The following NDRG2 variants were observed in gnomAD, a reference collection of about 807,000 sequenced individuals.
NDRG2 encodes the protein protein NDRG2.
NDRG2 carries 34 observed loss-of-function variants against 58.2 expected under a neutral mutation model. The observed-to-expected ratio is 0.58, with a 90% CI of 0.44 to 0.78. The LOEUF (loss-of-function observed/expected upper bound fraction) is 0.78, where lower values mean the gene tolerates loss of function less well. Among genes scored for constraint, NDRG2 ranks in the 30% least tolerant of loss-of-function variants. The pLI is 0.00. For missense variants in NDRG2, 434 were observed against 471.2 expected (o/e 0.92, Z 0.73); for synonymous variants, 187 against 175.9 (o/e 1.06, Z -0.50).
chr14:21,027,040 C>T (rs1172287921), upstream of NDRG2, among the ~76,000 whole-genome samples: 1 of 152,098 alleles, frequency 6.6e-6, no homozygotes, highest in Non-Finnish European at 1.5e-5. Context: ...CATCTAAATT[C>T]GTCTCTGGGT....
rs753348243 is a variant in NDRG2, at chr14:21,017,546, G to C, written c.*50C>G. The C allele has an allele frequency of 5.7e-6, 9 of 1,579,242 alleles. No individual in the cohort carries two copies. The East Asian group carries it at 1.8e-4, about 32-fold the overall frequency. On this transcript the variant is annotated 3_prime_UTR_variant, in exon 16 of 16. Coordinates refer to ENST00000556147, the MANE Select transcript of NDRG2 (RefSeq NM_001320329.2). ...TGCCCCTTCAGCACCTCCCAGGTTA[G>C]CTCTGGGGGAGGTGAGGGCTGGGTC...
upstream of NDRG2, among the ~76,000 whole-genome samples, chr14:21,026,398 G>A (rs1883632446): frequency 6.7e-6 from 1 of 149,408 alleles, no homozygotes; most frequent in Non-Finnish European, 1.5e-5. Flanking sequence ...CGCCAGGCCA[G>A]TCAGGAACAA....
chr14:21,025,641 G>A, upstream of NDRG2: 3 of 985,428 alleles, frequency 3.0e-6, no homozygotes, highest in South Asian at 4.7e-5. This position sits in a 1 kb window ranked among gnomAD's most constrained non-coding sequence, Gnocchi z 5.1. Flanking sequence ...CGAGGGCGCA[G>A]GAGTTCCGAC....
At chr14:21,025,506 C>T (rs899433324), upstream of NDRG2, 17 of 985,474 alleles carry the variant, frequency 1.7e-5, no homozygotes, top group East Asian at 2.3e-4. The surrounding 1 kb of genome is among the most constrained non-coding windows in gnomAD (Gnocchi z 5.1). Flanking sequence ...CGACTCCCCC[C>T]GCCCGAACAC....
At chr14:21,038,390 A>G (rs1884749810) in intron 1 of NDRG2, among the ~76,000 whole-genome samples, 1 of 152,218 alleles carries the variant, frequency 6.6e-6, no homozygotes, top group African/African-American at 2.4e-5. Flanking sequence ...ACACATGAAG[A>G]AATAACCAGT....
chr14:21,065,757 A>G (rs1281462305), intron 1 of NDRG2, among the ~76,000 whole-genome samples: 1 of 152,222 alleles, frequency 6.6e-6, no homozygotes. Context: ...AAGAGCAAAA[A>G]GGTGCCAAAT....
At chr14:21,026,522 A>C (rs1594466259), upstream of NDRG2, among the ~76,000 whole-genome samples, 1 of 50,354 alleles carries the variant, frequency 2.0e-5, no homozygotes, top group Non-Finnish European at 3.8e-5. Flanking sequence ...CACCACCCTC[A>C]CCACCCGCAA....
At chr14:21,031,951 C>A (rs773504936) in intron 1 of NDRG2, 1 of 1,614,120 alleles carries the variant, frequency 6.2e-7, no homozygotes, top group Non-Finnish European at 8.5e-7. Flanking sequence ...ACACCGGCAC[C>A]CACAAGGAGC....
In NDRG2 at chr14:21,066,168, G is replaced by A. The variant is rs555065675; in HGVS notation, c.24+4660C>T. Among the ~76,000 whole-genome samples the A allele has an allele frequency of 8.1e-4, 123 of 152,184 alleles. 1 individual carries two copies. The highest frequency in any genetic ancestry group is 1.4e-3 in the Non-Finnish European group (96 of 68,038). ...GTCCACTGTGGCTGCAGGGTCACTA[G>A]TGGCTTAGCATAATGTCACCACAGG... On this transcript the variant is annotated intron_variant, in intron 1 of 14. Transcript: ENST00000403829.
Position 21,024,242 on chromosome 14 carries a change from G to A in NDRG2, c.-219C>T, listed in dbSNP as rs1453823959. 7 of 985,376 alleles carry A rather than the reference G, an allele frequency of 7.1e-6. No individual in the cohort carries two copies. Among genetic ancestry groups the A allele is most frequent in the Non-Finnish European group, 1.2e-6 (1 of 830,032 alleles). The allele number at this position is 985,376 out of a possible 1,614,324, so 61.0% of individuals were successfully genotyped here. ...CTCCCCAGTGTCTGTCTACCCCTAA[G>A]TCCAGAGAACACGTCCTCTCTAGGC... On this transcript the variant is annotated 5_prime_UTR_variant, in exon 1 of 16. Coordinates refer to ENST00000556147, the MANE Select transcript of NDRG2 (RefSeq NM_001320329.2).
intron 1 of NDRG2, among the ~76,000 whole-genome samples, chr14:21,059,169 T>C (rs545848365): frequency 2.7e-4 from 41 of 152,312 alleles, no homozygotes; most frequent in African/African-American, 9.6e-4. Context: ...AGAGTTCATG[T>C]TTCATCGACG....
At chr14:21,024,001 C>T (rs763559835) in intron 1 of NDRG2, 29 bp downstream of exon 1, 1 of 985,752 alleles carries the variant, frequency 1.0e-6, no homozygotes, top group Middle Eastern at 5.2e-4. Context: ...CAGGAAGGAG[C>T]CTGCAGCCTG....
intron 1 of NDRG2, chr14:21,031,330 G>A (rs1884112982): frequency 2.3e-6 from 2 of 884,974 alleles, no homozygotes; most frequent in Non-Finnish European, 3.3e-6. Flanking sequence ...CCCAGAGAAG[G>A]GAAGTGACTT....
intron 1 of NDRG2, among the ~76,000 whole-genome samples, chr14:21,056,671 C>G (rs1455215717): frequency 6.6e-6 from 1 of 152,212 alleles, no homozygotes; most frequent in Non-Finnish European, 1.5e-5. Flanking sequence ...TCACTCTGCT[C>G]TGCTCCTATG....
At position 21,070,715 on chromosome 14, in the gene NDRG2, C is replaced by G. The variant is rs1306669734; in HGVS notation, c.24+113G>C. On this transcript the variant is annotated intron_variant, in intron 1 of 14. Transcript: ENST00000403829. The surrounding 1 kb of genome is among the most constrained non-coding windows in gnomAD (Gnocchi z 4.7). ...CTGTCCTGACCTGTGCCTTCCTTTC[C>G]TGGAGCTTCCCTCCCCCTCCTGGTC... The G allele has an allele frequency of 1.6e-5, 20 of 1,264,564 alleles. No homozygotes were observed. In the Admixed American group the frequency reaches 4.2e-4, roughly 26 times the overall value. 78.3% of individuals were successfully genotyped at this position (1,264,564 alleles called of 1,614,324 possible).
At chr14:21,052,812 A>G (rs553173963) in intron 1 of NDRG2, among the ~76,000 whole-genome samples, 4 of 152,234 alleles carry the variant, frequency 2.6e-5, no homozygotes, top group Non-Finnish European at 5.9e-5. Flanking sequence ...ATGCTCAATT[A>G]AACTCAGGAG....
chr14:21,049,398 T>C (rs1331354207), intron 1 of NDRG2, among the ~76,000 whole-genome samples: 1 of 152,166 alleles, frequency 6.6e-6, no homozygotes, highest in Non-Finnish European at 1.5e-5. Context: ...CTTTCTATGG[T>C]TTTTTCATAG....
Position 21,070,374 on chromosome 14 carries a change from C to A in NDRG2, c.24+454G>T. The stretch of plus-strand genomic sequence containing the variant: ...CGGCCCCGCCCGCCCGACCAAGCGT[C>A]GGACGCGGCCCGGCGCCGAGCCATG... On this transcript the variant is annotated intron_variant, in intron 1 of 14. Coordinates refer to the NDRG2 transcript ENST00000403829. This position sits in a 1 kb window ranked among gnomAD's most constrained non-coding sequence, Gnocchi z 4.7. The A allele has an allele frequency of 2.1e-6, 3 of 1,407,466 alleles. No homozygotes were observed. Among genetic ancestry groups the A allele is most frequent in the South Asian group, 1.5e-5 (1 of 65,378 alleles). The allele number at this position is 1,407,466 out of a possible 1,614,324, so 87.2% of individuals were successfully genotyped here. A position where few individuals can be genotyped will look rare whatever the true frequency, so the allele number is the denominator to read the frequency against.
At chr14:21,032,037 G>A (rs1884230326) in intron 1 of NDRG2, 11 of 1,614,160 alleles carry the variant, frequency 6.8e-6, no homozygotes, top group Non-Finnish European at 8.5e-6. Context: ...TATGTGAGTG[G>A]TTACAAGGGT....
Sources: gnomAD v4.1 joint callset for allele counts (sites outside exome capture counted in the v4.1 genomes callset) on GRCh38, gnomAD v4.1.1 for gene constraint, Gnocchi (gnomAD v3.1) non-coding constraint, MANE v1.5 for transcripts, NCBI Gene and HGNC (gene_info 2026-07-23, HGNC 2026-07-21) for gene names.